CAMK1D: variants seen among roughly 807,000 people sequenced by gnomAD.
CAMK1D encodes the protein calcium/calmodulin-dependent protein kinase type 1D.
A neutral mutation model predicts 47.7 loss-of-function variants in CAMK1D; 9 were observed. That is an observed-to-expected ratio of 0.19 (90% CI 0.11 to 0.33). The LOEUF is 0.33. Ranked by LOEUF, CAMK1D falls within the 10% of genes least tolerant of loss-of-function variation. The probability of loss-of-function intolerance (pLI) is 1.00; values close to 1 mark genes in which losing one functional copy is unlikely to be tolerated. For synonymous variants in CAMK1D, 184 were observed against 184.9 expected, an observed-to-expected ratio of 0.99 and a Z score of 0.04; for missense variants, 291 against 488.7, an observed-to-expected ratio of 0.60 and a Z score of 3.81.
Position 12,496,337 on chromosome 10 carries a change from G to T in CAMK1D, c.93-56888G>T, listed in dbSNP as rs562762699. ...ATAACTGCGGTTAAACCAGGGTAGG[G>T]GCTGTTTCTCTCTAGGGTCGTTGTG... On this transcript the variant is annotated intron_variant, in intron 1 of 10. Coordinates refer to ENST00000619168, the MANE Select transcript of CAMK1D (RefSeq NM_153498.4). Among the ~76,000 whole-genome samples the T allele has an allele frequency of 7.9e-5, 12 of 152,252 alleles. No individual in the cohort carries two copies. The South Asian group carries it at 1.0e-3, about 13-fold the overall frequency.
At chr10:12,815,153 G>A (rs955651989) in intron 7 of CAMK1D, among the ~76,000 whole-genome samples, 17 of 152,126 alleles carry the variant, frequency 1.1e-4, no homozygotes, top group Non-Finnish European at 1.5e-4. Flanking sequence ...GGGCAGAGCC[G>A]GCATTTGAAA....
At chr10:12,666,362 G>C (rs930802103) in intron 2 of CAMK1D, among the ~76,000 whole-genome samples, 3 of 152,190 alleles carry the variant, frequency 2.0e-5, no homozygotes, top group Admixed American at 1.3e-4. Flanking sequence ...TAAGTGGTCA[G>C]GCAAGTCCGT....
chr10:12,503,381 AC>A (rs1834766410), intron 1 of CAMK1D, among the ~76,000 whole-genome samples: 1 of 149,876 alleles, frequency 6.7e-6, no homozygotes, highest in African/African-American at 2.5e-5. Flanking sequence ...TACCAGGTTT[AC>A]AGTTGAGAAG....
chr10:12,399,033 G>A (rs1357766356), intron 1 of CAMK1D, among the ~76,000 whole-genome samples: 1 of 152,142 alleles, frequency 6.6e-6, no homozygotes, highest in East Asian at 1.9e-4. Context: ...GCTGCTGTTA[G>A]CCTTTTCCTT....
chr10:12,525,764 T>C (rs1430634358), intron 1 of CAMK1D, among the ~76,000 whole-genome samples: 1 of 152,166 alleles, frequency 6.6e-6, no homozygotes, highest in Admixed American at 6.6e-5. Context: ...CTGTGTACTT[T>C]TTTGTTTTTT....
At chr10:12,457,451 G>A (rs913463704) in intron 1 of CAMK1D, among the ~76,000 whole-genome samples, 9 of 151,518 alleles carry the variant, frequency 5.9e-5, no homozygotes, top group Admixed American at 1.3e-4. Context: ...AGTACAAAAC[G>A]CAAGGTGAAA....
chr10:12,426,602 G>A (rs1440401655), intron 1 of CAMK1D, among the ~76,000 whole-genome samples: 2 of 152,146 alleles, frequency 1.3e-5, no homozygotes, highest in African/African-American at 2.4e-5. Context: ...AGGCTGGGGT[G>A]CAGTGGTGGG....
chr10:12,596,366 G>A (rs1021620536), intron 2 of CAMK1D, among the ~76,000 whole-genome samples: 11 of 152,178 alleles, frequency 7.2e-5, no homozygotes, highest in Admixed American at 3.3e-4. Context: ...TCCAGCTAGC[G>A]GTTTGCCTTA....
At chr10:12,586,101 A>T (rs1837809403) in intron 2 of CAMK1D, among the ~76,000 whole-genome samples, 1 of 152,198 alleles carries the variant, frequency 6.6e-6, no homozygotes, top group Non-Finnish European at 1.5e-5. Flanking sequence ...ATAGATCCAA[A>T]CATTTATGGA....
At chr10:12,610,853 A>G (rs1367446113) in intron 2 of CAMK1D, among the ~76,000 whole-genome samples, 1 of 152,182 alleles carries the variant, frequency 6.6e-6, no homozygotes, top group African/African-American at 2.4e-5. Context: ...TCTATTCAAG[A>G]TTATGTATGC....
intron 2 of CAMK1D, among the ~76,000 whole-genome samples, chr10:12,626,381 G>A (rs6602602): frequency 0.85 from 128,513 of 152,048 alleles, 55,281 homozygotes; most frequent in Non-Finnish European, 0.92. Flanking sequence ...TCTTTGCTCC[G>A]TTCCTTCCCA....
intron 3 of CAMK1D, among the ~76,000 whole-genome samples, chr10:12,747,050 G>A (rs1835714519): frequency 6.8e-6 from 1 of 146,848 alleles, no homozygotes; most frequent in Admixed American, 6.8e-5. Flanking sequence ...TTTGTCTTTT[G>A]AGATGGAGTC....
chr10:12,457,467 T>C (rs1833287302), intron 1 of CAMK1D, among the ~76,000 whole-genome samples: 1 of 151,544 alleles, frequency 6.6e-6, no homozygotes, highest in Non-Finnish European at 1.5e-5. Context: ...TGAAAAACAG[T>C]GCATGGAGTA....
intron 2 of CAMK1D, among the ~76,000 whole-genome samples, chr10:12,594,218 A>G (rs1042462902): frequency 1.3e-5 from 2 of 152,230 alleles, no homozygotes; most frequent in Non-Finnish European, 2.9e-5. Flanking sequence ...GATAACATCC[A>G]CATTACAGGG....
chr10:12,558,844 G>T (rs974383100), intron 2 of CAMK1D, among the ~76,000 whole-genome samples: 3 of 152,152 alleles, frequency 2.0e-5, no homozygotes, highest in African/African-American at 7.2e-5. Context: ...TGCAGAGATT[G>T]TCTTGCCTTG....
intron 1 of CAMK1D, among the ~76,000 whole-genome samples, chr10:12,427,405 C>G (rs1211521531): frequency 6.6e-6 from 1 of 152,122 alleles, no homozygotes; most frequent in Non-Finnish European, 1.5e-5. Context: ...GGGGAAGAAT[C>G]CGCCGATCTC....
chr10:12,810,384 C>T (rs1311280844), intron 6 of CAMK1D, among the ~76,000 whole-genome samples: 4 of 151,142 alleles, frequency 2.6e-5, no homozygotes, highest in African/African-American at 7.3e-5. Context: ...AAGCAATTCT[C>T]CTGCCTAAGC....
At chr10:12,751,745 A>G (rs1835996865) in intron 3 of CAMK1D, among the ~76,000 whole-genome samples, 2 of 152,126 alleles carry the variant, frequency 1.3e-5, no homozygotes, top group African/African-American at 4.8e-5. Flanking sequence ...GAAAGACAAA[A>G]ATGTGTGAGG....
chr10:12,521,651 G>GTCTGCTTGTTCTATTTGTTAC (rs1369545362), intron 1 of CAMK1D, among the ~76,000 whole-genome samples: 2 of 152,064 alleles, frequency 1.3e-5, no homozygotes, highest in East Asian at 1.9e-4. Context: ...CCAATTTTCT[G>GTCTGCTTGTTCTATTTGTTAC]TCTGCTTGTT....
Sources: allele counts gnomAD v4.1 joint callset (sites outside exome capture counted in the v4.1 genomes callset), GRCh38; gene constraint gnomAD v4.1.1; transcripts MANE v1.5; gene names NCBI Gene and HGNC (gene_info 2026-07-23, HGNC 2026-07-21).